The following TRHDE variants were observed in gnomAD, a reference collection of about 807,000 sequenced individuals.
The protein encoded by TRHDE is thyrotropin-releasing hormone-degrading ectoenzyme.
TRHDE carries 72 observed loss-of-function variants against 125.7 expected under a neutral mutation model. That is an observed-to-expected ratio of 0.57 (90% CI 0.47 to 0.70). The LOEUF (loss-of-function observed/expected upper bound fraction) is 0.70. Ranked by LOEUF, TRHDE falls within the 30% of genes least tolerant of loss-of-function variation. TRHDE has a pLI of 0.00. For synonymous variants in TRHDE, 509 were observed against 509.1 expected (o/e 1.00, Z 0.00); for missense variants, 1,110 against 1,327.1 (o/e 0.84, Z 2.54).
At position 72,332,263 on chromosome 12, in the gene TRHDE, C is replaced by G. The variant is rs1185022168; in HGVS notation, c.1188+45309C>G. Among the ~76,000 whole-genome samples the G allele has an allele frequency of 3.3e-5, 5 of 152,270 alleles. No individual in the cohort carries two copies. The East Asian group carries it at 9.7e-4, about 29-fold the overall frequency. Reference sequence around the variant, plus strand: ...ACGCCATTCTCCAGCCTCAGCCTCCCAAGTAGCTGGGACTACAGGCACCCG... The same window carrying G: ...ACGCCATTCTCCAGCCTCAGCCTCCGAAGTAGCTGGGACTACAGGCACCCG... On this transcript the variant is annotated intron_variant, in intron 2 of 18. Transcript: ENST00000261180.
chr12:72,296,702 A>G (rs1233613893), intron 2 of TRHDE, among the ~76,000 whole-genome samples: 1 of 152,138 alleles, frequency 6.6e-6, no homozygotes, highest in African/African-American at 2.4e-5. Context: ...TCAGAAGGCT[A>G]CATGGCCAGG....
chr12:72,271,628 C>T (rs1050513237), upstream of TRHDE, among the ~76,000 whole-genome samples: 11 of 152,152 alleles, frequency 7.2e-5, no homozygotes, highest in African/African-American at 2.7e-4. Context: ...CCTGCCTCCT[C>T]GCGCGCTCCC....
chr12:72,405,932 A>G (rs564396809), intron 3 of TRHDE, among the ~76,000 whole-genome samples: 50 of 152,278 alleles, frequency 3.3e-4, no homozygotes, highest in African/African-American at 1.2e-3. Flanking sequence ...GCCAACTGAA[A>G]CAGCATTATC....
chr12:72,405,806 G>A (rs1873241898), intron 3 of TRHDE, among the ~76,000 whole-genome samples: 1 of 152,172 alleles, frequency 6.6e-6, no homozygotes, highest in African/African-American at 2.4e-5. Flanking sequence ...TTACATATGT[G>A]AAACAGTTAC....
chr12:72,384,057 CAT>C (rs1355682109), intron 3 of TRHDE, among the ~76,000 whole-genome samples: 2 of 152,114 alleles, frequency 1.3e-5, no homozygotes, highest in Non-Finnish European at 2.9e-5. Context: ...AACCTGAAGA[CAT>C]GTGAGTATTG....
At chr12:72,430,743 A>G (rs1020804485) in intron 3 of TRHDE, among the ~76,000 whole-genome samples, 1 of 151,956 alleles carries the variant, frequency 6.6e-6, no homozygotes, top group African/African-American at 2.4e-5. Flanking sequence ...TGGATCCCTC[A>G]AATTAACATA....
chr12:72,376,699 T>G (rs1412445229), intron 2 of TRHDE, among the ~76,000 whole-genome samples: 2 of 152,170 alleles, frequency 1.3e-5, no homozygotes, highest in East Asian at 3.8e-4. Context: ...GTTCTCTCTC[T>G]TTAGGCAGAG....
chr12:72,642,779 T>G (rs781139990), intron 15 of TRHDE, among the ~76,000 whole-genome samples: 1 of 152,170 alleles, frequency 6.6e-6, no homozygotes, highest in Non-Finnish European at 1.5e-5. Context: ...CTCCTTGTAA[T>G]CCTAATATCA....
At chr12:72,184,066 C>G (rs1016439056) in intron 2 of TRHDE, among the ~76,000 whole-genome samples, 5 of 152,128 alleles carry the variant, frequency 3.3e-5, no homozygotes, top group African/African-American at 1.2e-4. Context: ...AGAAGCAGTA[C>G]AACACAAATG....
chr12:72,382,599 T>C (rs1872236371), intron 3 of TRHDE, among the ~76,000 whole-genome samples: 2 of 152,128 alleles, frequency 1.3e-5, no homozygotes, highest in Admixed American at 1.3e-4. Context: ...AAACCAAAAA[T>C]TGAAATAAAT....
At chr12:72,446,497 C>G (rs1875293164) in intron 3 of TRHDE, among the ~76,000 whole-genome samples, 1 of 152,058 alleles carries the variant, frequency 6.6e-6, no homozygotes, top group Non-Finnish European at 1.5e-5. Flanking sequence ...GGATCAAATT[C>G]ACACATAACA....
At chr12:72,456,797 C>G (rs1057141335) in intron 3 of TRHDE, among the ~76,000 whole-genome samples, 1 of 152,034 alleles carries the variant, frequency 6.6e-6, no homozygotes, top group African/African-American at 2.4e-5. Flanking sequence ...ACATTAGATA[C>G]TGGAGCTTGG....
intron 3 of TRHDE, among the ~76,000 whole-genome samples, chr12:72,467,048 T>C (rs1424287840): frequency 2.0e-5 from 3 of 152,236 alleles, no homozygotes; most frequent in Non-Finnish European, 2.9e-5. Flanking sequence ...TATGAATGCA[T>C]AGATTACCTG....
rs60920966 is a variant in TRHDE at position 72,232,197 on chromosome 12, A to G, written n.279+126445A>G. 0.03 allele frequency among the ~76,000 whole-genome samples: 4,606 copies of G among 152,282 alleles called. 494 individuals carry two copies. The East Asian group carries it at 0.41, about 14-fold the overall frequency. ...GGGTCAGTCAGGAGATAGAATGATC[A>G]AGGGCAGGCACAGACAGAGACTTTA... On this transcript the variant is annotated intron_variant and non_coding_transcript_variant, in intron 2 of 4. Coordinates refer to the TRHDE transcript ENST00000548156.
upstream of TRHDE, among the ~76,000 whole-genome samples, chr12:72,269,123 A>T (rs992330603): frequency 6.6e-6 from 1 of 151,940 alleles, no homozygotes; most frequent in Non-Finnish European, 1.5e-5. Flanking sequence ...TCACCCCCCC[A>T]CTTTTGCTTT....
intron 2 of TRHDE, among the ~76,000 whole-genome samples, chr12:72,130,789 A>G (rs904881773): frequency 6.6e-6 from 1 of 152,194 alleles, no homozygotes; most frequent in African/African-American, 2.4e-5. Flanking sequence ...TCTTACTCAG[A>G]AAAATACAAA....
chr12:72,224,114 CTATCTATCTATCTATCTATCTATCTATT>C (rs1565666605), intron 2 of TRHDE, among the ~76,000 whole-genome samples: 881 of 57,024 alleles, frequency 0.015, 7 homozygotes, highest in South Asian at 0.03. Flanking sequence ...ATCTATCTAT[CTATCTATCTATCTATCTATCTATCTATT>C]TATCTATGTA....
At chr12:72,486,453 G>A (rs1026409171) in intron 5 of TRHDE, among the ~76,000 whole-genome samples, 2 of 152,238 alleles carry the variant, frequency 1.3e-5, no homozygotes, top group African/African-American at 4.8e-5. Context: ...AAGAAGAGAA[G>A]GATCCCTAAA....
chr12:72,600,471 C>CTTAT (rs1048297913), intron 12 of TRHDE, among the ~76,000 whole-genome samples: 41 of 151,562 alleles, frequency 2.7e-4, no homozygotes, highest in African/African-American at 9.9e-4. Context: ...GATCTTTCAC[C>CTTAT]TTATTGGCTA....
Sources: gnomAD v4.1 joint callset for allele counts (sites outside exome capture counted in the v4.1 genomes callset) on GRCh38, gnomAD v4.1.1 for gene constraint, MANE v1.5 for transcripts, NCBI Gene and HGNC (gene_info 2026-07-23, HGNC 2026-07-21) for gene names.